TMEM45B: variants seen among roughly 807,000 people sequenced by gnomAD.
TMEM45B encodes the protein transmembrane protein 45B.
A neutral mutation model predicts 27.3 loss-of-function variants in TMEM45B; 29 were observed. That is an observed-to-expected ratio of 1.06 (90% CI 0.79 to 1.45). The LOEUF (loss-of-function observed/expected upper bound fraction) is 1.45, where lower values mean the gene tolerates loss of function less well. TMEM45B is among the 40% of genes most tolerant of loss of function. The probability of loss-of-function intolerance (pLI) is 0.00; values close to 1 mark genes in which losing one functional copy is unlikely to be tolerated. For missense variants in TMEM45B, 348 were observed against 343.9 expected, an observed-to-expected ratio of 1.01 and a Z score of -0.09; for synonymous variants, 143 against 134.7, an observed-to-expected ratio of 1.06 and a Z score of -0.43.
chr11:129,817,846 T>C (rs1411799145), intron 1 of TMEM45B, among the ~76,000 whole-genome samples: 2 of 152,204 alleles, frequency 1.3e-5, no homozygotes, highest in African/African-American at 4.8e-5. Context: ...CAAAAGATTA[T>C]CTCTTTTCCT....
chr11:129,839,118 G>C (rs556408254), intron 1 of TMEM45B, among the ~76,000 whole-genome samples: 2 of 152,106 alleles, frequency 1.3e-5, no homozygotes, highest in South Asian at 2.1e-4. Context: ...TCAAATGAGA[G>C]AGCGAGAGAA....
chr11:129,852,583 G>A lies in TMEM45B; in HGVS notation c.101G>A (p.Arg34Gln), dbSNP rs369904524. 2.5e-6 allele frequency: 4 copies of A among 1,613,938 alleles called. No homozygotes were observed. Among genetic ancestry groups the A allele is most frequent in the African/African-American group, 1.3e-5 (1 of 74,996 alleles). ...CCGCTGAAGTACTTTAGCCACACGC[G>A]GAAGAACAGCCCACTACATTACTAT... is the stretch of plus-strand genomic sequence containing the variant. ...KYPLKYFSHT[R>Q]KNSPLHYYQR... Residue 34 changes from arginine (R) to glutamine (Q), a missense_variant, in exon 2 of 6, where the codon CGG becomes CAG. Physicochemically the swap from Arg to Gln is conservative, Grantham distance 43 (BLOSUM62 1). Coordinates refer to ENST00000281441, the MANE Select transcript of TMEM45B (RefSeq NM_138788.5).
intron 1 of TMEM45B, among the ~76,000 whole-genome samples, chr11:129,837,585 CTTT>C (rs200040338): frequency 7.5e-5 from 6 of 80,282 alleles, no homozygotes; most frequent in Admixed American, 1.7e-4. Context: ...CTGCACTGGG[CTTT>C]TTTTTTTTTT....
chr11:129,851,950 G>T (rs1947852286), intron 1 of TMEM45B, among the ~76,000 whole-genome samples: 1 of 152,122 alleles, frequency 6.6e-6, no homozygotes, highest in Admixed American at 6.5e-5. Flanking sequence ...ATTTCCGGGA[G>T]ATTTATAATT....
At chr11:129,837,593 T>C (rs1385680035) in intron 1 of TMEM45B, among the ~76,000 whole-genome samples, 3 of 136,118 alleles carry the variant, frequency 2.2e-5, no homozygotes, top group Non-Finnish European at 4.8e-5. Context: ...GGCTTTTTTT[T>C]TTTTTTTGAG....
chr11:129,846,340 A>G (rs569619053), intron 1 of TMEM45B, among the ~76,000 whole-genome samples: 6 of 152,202 alleles, frequency 3.9e-5, no homozygotes, highest in African/African-American at 1.4e-4. Context: ...TGGTGGCACC[A>G]TCCTTCATTC....
chr11:129,818,425 G>T (rs1385430150), intron 1 of TMEM45B, among the ~76,000 whole-genome samples: 1 of 152,174 alleles, frequency 6.6e-6, no homozygotes, highest in Non-Finnish European at 1.5e-5. Flanking sequence ...ATCATAATGG[G>T]GCTTTATAGA....
At chr11:129,822,841 CT>C (rs981694529) in intron 1 of TMEM45B, among the ~76,000 whole-genome samples, 168 of 134,076 alleles carry the variant, frequency 1.3e-3, no homozygotes, top group Admixed American at 1.7e-3. Context: ...AAACATTTTT[CT>C]TTTTTTTTTT....
chr11:129,825,536 G>A (rs557520311), intron 1 of TMEM45B, among the ~76,000 whole-genome samples: 2 of 152,310 alleles, frequency 1.3e-5, no homozygotes, highest in East Asian at 1.9e-4. Context: ...CAAGGCCAGA[G>A]CTGGAGATGA....
intron 1 of TMEM45B, among the ~76,000 whole-genome samples, chr11:129,831,448 T>C (rs1436370772): frequency 6.6e-6 from 1 of 152,236 alleles, no homozygotes; most frequent in Non-Finnish European, 1.5e-5. Context: ...AAAGCGATGA[T>C]TCATATCCAG....
intron 1 of TMEM45B, among the ~76,000 whole-genome samples, chr11:129,824,621 G>C (rs989125385): frequency 6.6e-6 from 1 of 152,220 alleles, no homozygotes; most frequent in Non-Finnish European, 1.5e-5. Flanking sequence ...AGGCTAAGCT[G>C]CATCAGTTCA....
At chr11:129,840,221 T>G (rs1210417078) in intron 1 of TMEM45B, among the ~76,000 whole-genome samples, 1 of 152,226 alleles carries the variant, frequency 6.6e-6, no homozygotes, top group Non-Finnish European at 1.5e-5. Context: ...CAAATCAAAG[T>G]ACTCAGTCTT....
chr11:129,844,332 A>G (rs1385945058), intron 1 of TMEM45B, among the ~76,000 whole-genome samples: 1 of 152,184 alleles, frequency 6.6e-6, no homozygotes. Context: ...CAAAGGGTAC[A>G]AACTTGCAGT....
chr11:129,824,529 G>A (rs772306883), intron 1 of TMEM45B, among the ~76,000 whole-genome samples: 4 of 152,186 alleles, frequency 2.6e-5, no homozygotes, highest in Non-Finnish European at 5.9e-5. Flanking sequence ...CTAGCTCTAA[G>A]AATTGTATGA....
chr11:129,824,356 T>C (rs564058727), intron 1 of TMEM45B, among the ~76,000 whole-genome samples: 2 of 152,306 alleles, frequency 1.3e-5, no homozygotes, highest in African/African-American at 2.4e-5. Context: ...CCCCACAATA[T>C]GTCTGTATCT....
intron 4 of TMEM45B, among the ~76,000 whole-genome samples, chr11:129,856,986 A>C (rs1237896864): frequency 6.6e-6 from 1 of 151,304 alleles, no homozygotes; most frequent in Non-Finnish European, 1.5e-5. Context: ...CCAGTTAGCT[A>C]GGATTATAGG....
At chr11:129,840,808 G>A (rs185050544) in intron 1 of TMEM45B, among the ~76,000 whole-genome samples, 2 of 151,864 alleles carry the variant, frequency 1.3e-5, no homozygotes, top group Admixed American at 6.6e-5. Context: ...TCGCTTGGAG[G>A]CAGAGGTTGC....
chr11:129,852,103 C>A (rs1419146295), intron 1 of TMEM45B, among the ~76,000 whole-genome samples: 1 of 152,120 alleles, frequency 6.6e-6, no homozygotes, highest in Non-Finnish European at 1.5e-5. Context: ...TTTTGATGTT[C>A]TTGATATTAA....
chr11:129,854,764 C>G lies in TMEM45B; in HGVS notation c.333C>G (p.His111Gln). 1 of 1,614,168 alleles carries G rather than the reference C, an allele frequency of 6.2e-7. No individual in the cohort carries two copies. Among genetic ancestry groups the G allele is most frequent in the Non-Finnish European group, 8.5e-7 (1 of 1,180,034 alleles). The change falls in exon 3 of 6, where the codon CAC (histidine) becomes CAG (glutamine). Residue 111 changes from histidine (H) to glutamine (Q), a missense_variant. His to Gln is a conservative substitution (Grantham distance 24). Transcript: ENST00000281441. ...ACATGCTCACCTATCTGGTCAGCCACGTTCCCTTGGGGGTGGACAGACTGG... is the reference window on the plus strand; with the variant it reads ...ACATGCTCACCTATCTGGTCAGCCAGGTTCCCTTGGGGGTGGACAGACTGG... ...IVDMLTYLVS[H>Q]VPLGVDRLVM...
Sources: gnomAD v4.1 joint callset for allele counts (sites outside exome capture counted in the v4.1 genomes callset) on GRCh38, gnomAD v4.1.1 for gene constraint, MANE v1.5 for transcripts, NCBI Gene and HGNC (gene_info 2026-07-23, HGNC 2026-07-21) for gene names.